The following SIPA1L3 variants were observed in gnomAD, a reference collection of about 807,000 sequenced individuals.
The protein encoded by SIPA1L3 is signal-induced proliferation-associated 1-like protein 3.
A neutral mutation model predicts 150.1 loss-of-function variants in SIPA1L3; 59 were observed. The observed-to-expected ratio is 0.39, with a 90% CI of 0.32 to 0.49. The LOEUF (loss-of-function observed/expected upper bound fraction) is 0.49. SIPA1L3 is among the 20% of genes least tolerant of loss of function. The probability of loss-of-function intolerance (pLI) is 0.86; values close to 1 mark genes in which losing one functional copy is unlikely to be tolerated. For synonymous variants in SIPA1L3, 1,070 were observed against 1,077.6 expected (o/e 0.99, Z 0.14); for missense variants, 2,211 against 2,489.5 (o/e 0.89, Z 2.38).
Position 38,066,303 on chromosome 19 carries a change from T to G in SIPA1L3, c.-310-14953T>G, listed in dbSNP as rs930776733. 5.3e-5 allele frequency among the ~76,000 whole-genome samples: 8 copies of G among 152,296 alleles called. No homozygotes were observed. In the East Asian group the frequency reaches 1.5e-3, roughly 29 times the overall value. Reference sequence around the variant, plus strand: ...AAAGGGTTGAAATTGATTACAGGCCTGAGCCACTGGCCTGGCCTAGCTCTT... The same window carrying G: ...AAAGGGTTGAAATTGATTACAGGCCGGAGCCACTGGCCTGGCCTAGCTCTT... On this transcript the variant is annotated intron_variant, in intron 2 of 21. Coordinates refer to ENST00000222345, the MANE Select transcript of SIPA1L3 (RefSeq NM_015073.3).
At chr19:38,182,808 G>C (rs1031391486) in intron 16 of SIPA1L3, 68 bp downstream of exon 16, 28 of 1,227,752 alleles carry the variant, frequency 2.3e-5, no homozygotes, top group Non-Finnish European at 3.1e-5. Flanking sequence ...GGCGGAAAGA[G>C]GGTGATGCCA....
chr19:38,061,353 C>A (rs564754769), intron 2 of SIPA1L3, among the ~76,000 whole-genome samples: 1 of 152,232 alleles, frequency 6.6e-6, no homozygotes, highest in African/African-American at 2.4e-5. Flanking sequence ...TGTGAGCCAC[C>A]GTGCCCAGCC....
At chr19:38,063,353 G>A (rs947637860) in intron 2 of SIPA1L3, among the ~76,000 whole-genome samples, 13 of 152,114 alleles carry the variant, frequency 8.5e-5, no homozygotes, top group Non-Finnish European at 1.3e-4. Context: ...CCCCACTGCC[G>A]CCCCCCATCC....
At chr19:38,138,536 T>C (rs1253189602) in intron 10 of SIPA1L3, among the ~76,000 whole-genome samples, 1 of 32,604 alleles carries the variant, frequency 3.1e-5, no homozygotes, top group East Asian at 1.6e-3. Context: ...CTGTCCCTTG[T>C]TTACCTTTCC....
At chr19:38,080,722 CT>C (rs1351835811) in intron 2 of SIPA1L3, among the ~76,000 whole-genome samples, 1 of 151,916 alleles carries the variant, frequency 6.6e-6, no homozygotes, top group East Asian at 1.9e-4. Flanking sequence ...AATCCCAGCA[CT>C]TTGGGAGGCT....
chr19:38,180,238 A>G (rs1972526155), intron 15 of SIPA1L3, among the ~76,000 whole-genome samples: 1 of 152,186 alleles, frequency 6.6e-6, no homozygotes, highest in Non-Finnish European at 1.5e-5. Flanking sequence ...CTGGGTATAG[A>G]ATTCCTGGTT....
chr19:37,914,523 C>CCA (rs1269040769), intron 1 of SIPA1L3, among the ~76,000 whole-genome samples: 1 of 151,982 alleles, frequency 6.6e-6, no homozygotes, highest in African/African-American at 2.4e-5. Context: ...GAATGTGCCA[C>CCA]CACACCTGGC....
At chr19:37,943,808 C>T (rs2046684155) in intron 1 of SIPA1L3, among the ~76,000 whole-genome samples, 1 of 152,206 alleles carries the variant, frequency 6.6e-6, no homozygotes, top group Admixed American at 6.5e-5. Flanking sequence ...ACCTCCTTCT[C>T]TTAGCGTGGT....
intron 8 of SIPA1L3, among the ~76,000 whole-genome samples, chr19:38,118,412 A>C (rs561106846): frequency 6.6e-6 from 1 of 152,064 alleles, no homozygotes; most frequent in Non-Finnish European, 1.5e-5. Context: ...GGTTTTTGCC[A>C]AACTGTAAGA....
intron 2 of SIPA1L3, among the ~76,000 whole-genome samples, chr19:38,040,830 C>T (rs575791214): frequency 4.6e-5 from 7 of 152,236 alleles, no homozygotes; most frequent in Admixed American, 6.5e-5. Flanking sequence ...GCTCAATCTC[C>T]GCTCACTGCA....
chr19:37,928,938 G>A (rs2046529569), intron 1 of SIPA1L3, among the ~76,000 whole-genome samples: 1 of 152,168 alleles, frequency 6.6e-6, no homozygotes, highest in Middle Eastern at 3.2e-3. Context: ...TGTGTCTCCT[G>A]TGTCCCTAGG....
intron 16 of SIPA1L3, among the ~76,000 whole-genome samples, chr19:38,183,826 A>C (rs920342895): frequency 1.5e-4 from 23 of 150,354 alleles, no homozygotes; most frequent in Non-Finnish European, 2.5e-4. Flanking sequence ...AGGCGGGGCC[A>C]GGGCCAGGAG....
intron 9 of SIPA1L3, among the ~76,000 whole-genome samples, chr19:38,123,756 G>A (rs914971334): frequency 6.6e-4 from 100 of 151,942 alleles, no homozygotes; most frequent in Non-Finnish European, 1.3e-3. Flanking sequence ...TGTCATCATG[G>A]CCCGTTCTCA....
chr19:38,031,281 A>G (rs1968648762), intron 2 of SIPA1L3, among the ~76,000 whole-genome samples: 1 of 152,246 alleles, frequency 6.6e-6, no homozygotes, highest in Non-Finnish European at 1.5e-5. Flanking sequence ...ACCCAGTACG[A>G]TTAACTCAAT....
chr19:38,007,008 G>A (rs1967958161), intron 1 of SIPA1L3, among the ~76,000 whole-genome samples: 1 of 152,208 alleles, frequency 6.6e-6, no homozygotes, highest in Non-Finnish European at 1.5e-5. Context: ...GGCCTTCCGT[G>A]TCTGTGGTGC....
chr19:38,207,833 C>T lies in SIPA1L3; in HGVS notation c.*1593C>T, dbSNP rs1027548123. 1 of 152,580 alleles carries T rather than the reference C, an allele frequency of 6.6e-6. No homozygotes were observed. The highest frequency in any genetic ancestry group is 2.4e-5 in the African/African-American group (1 of 41,418). 9.5% of individuals were successfully genotyped at this position (152,580 alleles called of 1,614,324 possible). ...TTCTTATCGCGTCTCCTGTGATCAG[C>T]CTCTGGCCCCCTGGAGGAGGAAACC... On this transcript the variant is annotated 3_prime_UTR_variant, in exon 22 of 22. Coordinates refer to ENST00000222345, the MANE Select transcript of SIPA1L3 (RefSeq NM_015073.3).
intron 1 of SIPA1L3, among the ~76,000 whole-genome samples, chr19:37,979,746 G>A (rs1967156568): frequency 6.6e-6 from 1 of 152,202 alleles, no homozygotes; most frequent in Admixed American, 6.5e-5. Flanking sequence ...TACAGAAGAA[G>A]TTTGCTGATC....
At chr19:38,139,975 T>G (rs1369023012) in intron 10 of SIPA1L3, among the ~76,000 whole-genome samples, 3 of 152,196 alleles carry the variant, frequency 2.0e-5, no homozygotes, top group Non-Finnish European at 2.9e-5. Context: ...CTCCTCCCAC[T>G]AGTCCCCACC....
At chr19:38,109,119 A>C (rs1970685668) in intron 7 of SIPA1L3, among the ~76,000 whole-genome samples, 1 of 152,242 alleles carries the variant, frequency 6.6e-6, no homozygotes, top group African/African-American at 2.4e-5. Flanking sequence ...GAGGTGTATT[A>C]GTCCATTTTC....
Sources: gnomAD v4.1 joint callset for allele counts (sites outside exome capture counted in the v4.1 genomes callset) on GRCh38, gnomAD v4.1.1 for gene constraint, MANE v1.5 for transcripts, NCBI Gene and HGNC (gene_info 2026-07-23, HGNC 2026-07-21) for gene names.